The following ZNF346 variants were observed in gnomAD, a reference collection of about 807,000 sequenced individuals.
The protein encoded by ZNF346 is zinc finger protein 346, also known as double-stranded RNA-binding zinc finger protein JAZ.
ZNF346 carries 23 observed loss-of-function variants against 33.7 expected under a neutral mutation model. The ratio of observed to expected loss-of-function variants is 0.68; its 90% CI spans 0.49 to 0.97. The LOEUF is 0.97. Ranked by LOEUF, ZNF346 falls within the 50% of genes least tolerant of loss-of-function variation. ZNF346 has a pLI of 0.00. For synonymous variants in ZNF346, 134 were observed against 142.4 expected (o/e 0.94, Z 0.42); for missense variants, 340 against 371.1 (o/e 0.92, Z 0.69).
At chr5:177,046,162 G>A (rs1198630511) in intron 4 of ZNF346, among the ~76,000 whole-genome samples, 1 of 152,038 alleles carries the variant, frequency 6.6e-6, no homozygotes, top group Non-Finnish European at 1.5e-5. Context: ...TTAGCTGGGT[G>A]TGGTGGCACG....
Position 177,077,375 on chromosome 5 carries a change from C to A in ZNF346, c.*3-2007C>A, listed in dbSNP as rs1322234632. ...AAAGGGTTTAAGAAAAAGGATTAGC[C>A]GAAGAAAAAATTATTTGGTTCACAT... is the stretch of plus-strand genomic sequence containing the variant. On this transcript the variant is annotated intron_variant, in intron 8 of 8. Coordinates refer to the ZNF346 transcript ENST00000503039. This position sits in a 1 kb window ranked among gnomAD's most constrained non-coding sequence, Gnocchi z 5.0. Among the ~76,000 whole-genome samples, 2 of 151,950 alleles carry A rather than the reference C, an allele frequency of 1.3e-5. No individual in the cohort carries two copies. Among genetic ancestry groups the A allele is most frequent in the Non-Finnish European group, 2.9e-5 (2 of 67,994 alleles).
chr5:177,059,533 G>C lies in ZNF346; in HGVS notation c.704-2525G>C, dbSNP rs184966323. On this transcript the variant is annotated intron_variant, in intron 5 of 6. Coordinates refer to ENST00000358149, the MANE Select transcript of ZNF346 (RefSeq NM_012279.4). ...CTCTCATATTCACCCAAGAAGGCCA[G>C]AACTAAAACCTACATAGCATTCAGG... is the stretch of plus-strand genomic sequence containing the variant. 8.4e-4 allele frequency among the ~76,000 whole-genome samples: 128 copies of C among 152,284 alleles called. 1 individual carries two copies. The highest frequency in any genetic ancestry group is 1.6e-3 in the Admixed American group (24 of 15,280).
chr5:177,037,987 T>C (rs1168191165), intron 1 of ZNF346, among the ~76,000 whole-genome samples: 2 of 152,288 alleles, frequency 1.3e-5, no homozygotes, highest in East Asian at 3.9e-4. Context: ...ACATGGAATA[T>C]GCCAAACTCA....
intron 3 of ZNF346, chr5:177,042,107 C>G (rs1779413867): frequency 5.0e-6 from 2 of 401,252 alleles, no homozygotes; most frequent in Non-Finnish European, 9.1e-6. Flanking sequence ...AAAAAGCACC[C>G]AATTCAGAGC....
At position 177,041,246 on chromosome 5, in the gene ZNF346, T is replaced by G. The variant is rs60443185; in HGVS notation, c.279+17T>G. 10,566 of 1,600,538 alleles carry G rather than the reference T, an allele frequency of 6.6e-3. 569 individuals carry two copies. The African/African-American group carries it at 0.11, about 17-fold the overall frequency. Reference sequence around the variant, plus strand: ...CATTACCAGGTATGCCATCATACTTTTAGAACTGCGTTTCTTTTCAGACCT... The same window carrying G: ...CATTACCAGGTATGCCATCATACTTGTAGAACTGCGTTTCTTTTCAGACCT... On this transcript the variant is annotated intron_variant, in intron 2 of 6. Transcript: ENST00000358149.
chr5:177,038,447 A>G (rs1778866401), intron 1 of ZNF346, among the ~76,000 whole-genome samples: 1 of 150,610 alleles, frequency 6.6e-6, no homozygotes, highest in Admixed American at 6.7e-5. Context: ...CTGCCCCGTC[A>G]TTCTCTACCC....
At chr5:177,038,787 C>T (rs905156832) in intron 1 of ZNF346, among the ~76,000 whole-genome samples, 1 of 152,032 alleles carries the variant, frequency 6.6e-6, no homozygotes, top group Admixed American at 6.6e-5. Flanking sequence ...TGACTGAACT[C>T]TGACCCCTGG....
chr5:177,063,699 C>T (rs567083263), intron 6 of ZNF346, among the ~76,000 whole-genome samples: 1 of 152,314 alleles, frequency 6.6e-6, no homozygotes, highest in South Asian at 2.1e-4. Flanking sequence ...ATTCTCCCAA[C>T]ATGGGCAATG....
intron 1 of ZNF346, among the ~76,000 whole-genome samples, chr5:177,026,321 T>C (rs1258873155): frequency 6.6e-6 from 1 of 151,574 alleles, no homozygotes; most frequent in Admixed American, 6.6e-5. Flanking sequence ...TCATCTTGTT[T>C]CTGAAGGAGT....
At chr5:177,038,787 C>A (rs905156832) in intron 1 of ZNF346, among the ~76,000 whole-genome samples, 2 of 152,032 alleles carry the variant, frequency 1.3e-5, no homozygotes, top group African/African-American at 2.4e-5. Flanking sequence ...TGACTGAACT[C>A]TGACCCCTGG....
chr5:177,049,196 A>G (rs1780527383), intron 4 of ZNF346, among the ~76,000 whole-genome samples: 1 of 152,218 alleles, frequency 6.6e-6, no homozygotes, highest in Non-Finnish European at 1.5e-5. Flanking sequence ...AACAAAATCA[A>G]CAAGCAGAGA....
chr5:177,030,234 G>T lies in ZNF346; in HGVS notation c.175+7321G>T, dbSNP rs887295472. On this transcript the variant is annotated intron_variant, in intron 1 of 6. Coordinates refer to ENST00000358149, the MANE Select transcript of ZNF346 (RefSeq NM_012279.4). ...CATGTTATTCAATTTCTAAATATTT[G>T]AGGATTTCCCAGATTTCTTCCTATT... Among the ~76,000 whole-genome samples, 3 of 151,912 alleles carry T rather than the reference G, an allele frequency of 2.0e-5. No homozygotes were observed. The East Asian group carries it at 5.8e-4, about 29-fold the overall frequency.
chr5:177,024,322 G>A (rs1776431588), intron 1 of ZNF346, among the ~76,000 whole-genome samples: 1 of 148,646 alleles, frequency 6.7e-6, no homozygotes, highest in Admixed American at 6.9e-5. Context: ...CTCAGCCTCC[G>A]GAGTAGCTGG....
intron 1 of ZNF346, among the ~76,000 whole-genome samples, chr5:177,038,867 T>G (rs1778924335): frequency 2.3e-5 from 3 of 133,034 alleles, no homozygotes; most frequent in Admixed American, 1.7e-4. Flanking sequence ...TTCTTTTTTC[T>G]TCTTCTTCTT....
chr5:177,047,695 A>G (rs1324513519), intron 4 of ZNF346, among the ~76,000 whole-genome samples: 1 of 151,976 alleles, frequency 6.6e-6, no homozygotes, highest in East Asian at 1.9e-4. Flanking sequence ...TAATAGAGAC[A>G]GGGTTTCAAC....
At position 177,061,947 on chromosome 5, in the gene ZNF346, A is replaced by G. The variant is rs1443005079; in HGVS notation, c.704-111A>G. The G allele has an allele frequency of 3.4e-6, 3 of 875,198 alleles. No individual in the cohort carries two copies. In the East Asian group the frequency reaches 7.6e-5, roughly 22 times the overall value. The allele number at this position is 875,198 out of a possible 1,614,324, so 54.2% of individuals were successfully genotyped here. ...GGTTCTCATCAGGGCCAGCAACCTCACCTCGCCTCACCTGTCCGTCCTTAG... is the reference window on the plus strand; with the variant it reads ...GGTTCTCATCAGGGCCAGCAACCTCGCCTCGCCTCACCTGTCCGTCCTTAG... On this transcript the variant is annotated intron_variant, in intron 5 of 6. Coordinates refer to ENST00000358149, the MANE Select transcript of ZNF346 (RefSeq NM_012279.4).
rs776394787 is a variant in ZNF346, at chr5:177,050,878, G to T, written c.645G>T (p.Lys215Asn). 6.2e-7 allele frequency: 1 copy of T among 1,614,184 alleles called. No individual in the cohort carries two copies. Among genetic ancestry groups the T allele is most frequent in the Non-Finnish European group, 8.5e-7 (1 of 1,180,050 alleles). ...VGKKHRKQET[K>N]LKLMARYGRL... ...AGAAACACAGAAAACAGGAGACCAA[G>T]CTCAAACTAATGGCACGCTATGGGC... The change falls in exon 5 of 7, where the codon AAG becomes AAT. Residue 215 changes from lysine to asparagine, a missense_variant. Transcript: ENST00000358149.
intron 5 of ZNF346, among the ~76,000 whole-genome samples, chr5:177,060,922 AAC>A (rs971430418): frequency 7.9e-5 from 12 of 151,340 alleles, no homozygotes; most frequent in Non-Finnish European, 1.8e-4. Flanking sequence ...CATCCTGGCT[AAC>A]ACAGTGAAAC....
chr5:177,032,367 G>A (rs1048586979), intron 1 of ZNF346, among the ~76,000 whole-genome samples: 3 of 151,824 alleles, frequency 2.0e-5, no homozygotes, highest in African/African-American at 7.3e-5. Context: ...AGAGTGCAGT[G>A]GCGCAGTCTT....
Sources: allele counts gnomAD v4.1 joint callset (sites outside exome capture counted in the v4.1 genomes callset), GRCh38; gene constraint gnomAD v4.1.1; non-coding constraint Gnocchi (gnomAD v3.1); transcripts MANE v1.5; gene names NCBI Gene and HGNC (gene_info 2026-07-23, HGNC 2026-07-21).